Variants in ZFHX2 observed in about 807,000 individuals in gnomAD.
The protein encoded by ZFHX2 is zinc finger homeobox protein 2.
Under a neutral mutation model 164.8 loss-of-function variants are expected in ZFHX2, and 75 were observed. The ratio of observed to expected loss-of-function variants is 0.46; its 90% CI spans 0.38 to 0.55. The LOEUF is 0.55. Among genes scored for constraint, ZFHX2 ranks in the 20% least tolerant of loss-of-function variants. The probability of loss-of-function intolerance (pLI) is 0.00; values close to 1 mark genes in which losing one functional copy is unlikely to be tolerated. For synonymous variants in ZFHX2, 1,217 were observed against 1,351.4 expected (o/e 0.90, Z 2.18); for missense variants, 2,933 against 3,308.0 (o/e 0.89, Z 2.78).
intron 1 of ZFHX2, among the ~76,000 whole-genome samples, chr14:23,548,673 C>T (rs535872042): frequency 1.3e-5 from 2 of 152,268 alleles, no homozygotes; most frequent in South Asian, 2.1e-4. Context: ...AAAGGCCTTT[C>T]GTGGGGGTAG....
upstream of ZFHX2, among the ~76,000 whole-genome samples, chr14:23,555,218 C>T (rs759929196): frequency 8.5e-5 from 13 of 152,228 alleles, no homozygotes; most frequent in Non-Finnish European, 1.6e-4. Context: ...AGGCTGGTCT[C>T]GAACTCCTGA....
intron 1 of ZFHX2, among the ~76,000 whole-genome samples, chr14:23,541,501 G>A (rs1880815215): frequency 6.6e-6 from 1 of 151,854 alleles, no homozygotes; most frequent in South Asian, 2.1e-4. Context: ...TGGTCAGGCT[G>A]GTCTCAAACT....
At chr14:23,555,532 A>G (rs535826880), upstream of ZFHX2, among the ~76,000 whole-genome samples, 2 of 152,204 alleles carry the variant, frequency 1.3e-5, no homozygotes, top group South Asian at 4.1e-4. Flanking sequence ...TCATATCTTT[A>G]GTTCCTGGCC....
In ZFHX2 at chr14:23,522,910, G is replaced by A. The variant is rs575055988; in HGVS notation, c.6771C>T (p.Leu2257=). 2.1e-5 allele frequency: 31 copies of A among 1,460,060 alleles called. No homozygotes were observed. The highest frequency in any genetic ancestry group is 2.1e-4 in the African/African-American group (15 of 70,770). 90.4% of individuals were successfully genotyped at this position (1,460,060 alleles called of 1,614,324 possible). A position where few individuals can be genotyped will look rare whatever the true frequency, so the allele number is the denominator to read the frequency against. ...TGGTGGTAGGCAGGACCGAAGTGGC[G>A]AGGCCGAGGAGGCCTGAGGAGGCTG... The part of the protein sequence containing the change: ...GPAASSGLLG[L]ATSVLPTTTV... Residue 2257 remains leucine (L), a synonymous_variant, in exon 10 of 10, where the codon CTC becomes CTT. Coordinates refer to ENST00000419474, the MANE Select transcript of ZFHX2 (RefSeq NM_033400.3).
upstream of ZFHX2, among the ~76,000 whole-genome samples, chr14:23,554,179 G>A (rs1882175872): frequency 1.3e-5 from 2 of 152,046 alleles, no homozygotes; most frequent in African/African-American, 4.8e-5. Context: ...CAAATAAGCT[G>A]CTGCTTTTGC....
intron 1 of ZFHX2, among the ~76,000 whole-genome samples, chr14:23,537,369 A>C (rs1320766584): frequency 6.6e-6 from 1 of 152,042 alleles, no homozygotes; most frequent in Non-Finnish European, 1.5e-5. Flanking sequence ...CTAGTGATTA[A>C]ACTGGTAGTG....
In ZFHX2 at chr14:23,533,152, G is replaced by T; in HGVS notation, c.2042-68C>A. On this transcript the variant is annotated intron_variant, in intron 2 of 9. Coordinates refer to ENST00000419474, the MANE Select transcript of ZFHX2 (RefSeq NM_033400.3). The surrounding 1 kb of genome is among the most constrained non-coding windows in gnomAD (Gnocchi z 4.8). ...GCACGGTTGGTTCTCTATGTGGGGA[G>T]GTGGGTTAATGAGTAGGATAGTGCT... is the stretch of plus-strand genomic sequence containing the variant. 1 of 1,459,668 alleles carries T rather than the reference G, an allele frequency of 6.9e-7. No homozygotes were observed. 90.4% of individuals were successfully genotyped at this position (1,459,668 alleles called of 1,614,324 possible). A position where few individuals can be genotyped will look rare whatever the true frequency, so the allele number is the denominator to read the frequency against.
chr14:23,525,982 C>A lies in ZFHX2; in HGVS notation c.3960G>T (p.Leu1320Phe). The change falls in exon 9 of 10, where the codon TTG (leucine) becomes TTT (phenylalanine). Residue 1320 changes from leucine (L) to phenylalanine (F), a missense_variant. Physicochemically the swap from Leu to Phe is conservative, Grantham distance 22 (BLOSUM62 0). Coordinates refer to ENST00000419474, the MANE Select transcript of ZFHX2 (RefSeq NM_033400.3). The surrounding 1 kb of genome is among the most constrained non-coding windows in gnomAD (Gnocchi z 5.9). ...GAGGTGGGGGAGGGGACAGGAAAGG[C>A]AATCCAGATATGAAGCCACTGGTGT... is the stretch of plus-strand genomic sequence containing the variant. ...GPDTSGFISG[L>F]PFLSPPPPPL... The A allele has an allele frequency of 6.6e-7, 1 of 1,518,356 alleles. No individual in the cohort carries two copies. Among genetic ancestry groups the A allele is most frequent in the South Asian group, 1.2e-5 (1 of 80,174 alleles). The allele number at this position is 1,518,356 out of a possible 1,614,324, so 94.1% of individuals were successfully genotyped here. A position where few individuals can be genotyped will look rare whatever the true frequency, so the allele number is the denominator to read the frequency against.
chr14:23,554,321 C>T (rs959425384), upstream of ZFHX2, among the ~76,000 whole-genome samples: 1 of 152,164 alleles, frequency 6.6e-6, no homozygotes, highest in African/African-American at 2.4e-5. Flanking sequence ...ACCAACAGTG[C>T]TTAACATGGA....
At chr14:23,555,541 C>A (rs1364382953), upstream of ZFHX2, among the ~76,000 whole-genome samples, 2 of 152,144 alleles carry the variant, frequency 1.3e-5, no homozygotes, top group Non-Finnish European at 2.9e-5. Context: ...TAGTTCCTGG[C>A]CAAAATACCA....
chr14:23,529,442 C>G (rs1879240906), intron 6 of ZFHX2: 1 of 454,670 alleles, frequency 2.2e-6, no homozygotes, highest in Non-Finnish European at 4.0e-6. Context: ...CTCTTTCCTA[C>G]TCTCAGCACA....
chr14:23,551,869 C>G (rs1211253229), upstream of ZFHX2, among the ~76,000 whole-genome samples: 1 of 152,202 alleles, frequency 6.6e-6, no homozygotes, highest in African/African-American at 2.4e-5. The surrounding 1 kb of genome is among the most constrained non-coding windows in gnomAD (Gnocchi z 5.3). Context: ...CGCCCGCCTG[C>G]CTCGCGGGAC....
At position 23,525,036 on chromosome 14, in the gene ZFHX2, T is replaced by A. The variant is rs1157673485; in HGVS notation, c.4906A>T (p.Ser1636Cys). ...TGGAACCACACCACCACCACACGGC[T>A]AGCCAGACCCAACAGACTTGCGAGT... ...ERLASLLGLA[S>C]RVVVVWFQNA... Residue 1636 changes from serine to cysteine, a missense_variant, in exon 9 of 10, where the codon AGC becomes TGC. Physicochemically the swap from Ser to Cys is moderately radical, Grantham distance 112 (BLOSUM62 -1). Transcript: ENST00000419474. The surrounding 1 kb of genome is among the most constrained non-coding windows in gnomAD (Gnocchi z 5.9). 6.5e-7 allele frequency: 1 copy of A among 1,536,058 alleles called. No homozygotes were observed. Among genetic ancestry groups the A allele is most frequent in the African/African-American group, 1.4e-5 (1 of 73,050 alleles).
chr14:23,527,042 C>T lies in ZFHX2; in HGVS notation c.3136-69G>A, dbSNP rs1009345413. The T allele has an allele frequency of 6.9e-6, 10 of 1,440,512 alleles. No individual in the cohort carries two copies. In the African/African-American group the frequency reaches 1.3e-4, roughly 19 times the overall value. 89.2% of individuals were successfully genotyped at this position (1,440,512 alleles called of 1,614,324 possible). The stretch of plus-strand genomic sequence containing the variant: ...TGCCCCTATGCCACTCCTGACCCAT[C>T]TGCCCTACACCTGTACTTGTGCCGA... On this transcript the variant is annotated intron_variant, in intron 7 of 9. Transcript: ENST00000419474.
Position 23,522,518 on chromosome 14 carries a change from A to G in ZFHX2, c.7163T>C (p.Ile2388Thr), listed in dbSNP as rs1595130469. The G allele has an allele frequency of 2.0e-6, 3 of 1,530,254 alleles. No individual in the cohort carries two copies. The highest frequency in any genetic ancestry group is 1.7e-6 in the Non-Finnish European group (2 of 1,142,934). 94.8% of individuals were successfully genotyped at this position (1,530,254 alleles called of 1,614,324 possible). The change falls in exon 10 of 10, where the codon ATA becomes ACA. Residue 2388 changes from isoleucine to threonine, a missense_variant. Ile to Thr is a moderately conservative substitution (Grantham distance 89). Transcript: ENST00000419474. The part of the protein sequence containing the change: ...KKGLFPMNPM[I>T]PQTLIGLLPN... ...GAGCAGCCCAATGAGGGTCTGAGGT[A>G]TCATGGGGTTCATGGGAAATAGCCC...
chr14:23,532,933 G>A lies in ZFHX2; in HGVS notation c.2193C>T (p.Ser731=). ...CLVCQAFSTD[S]LELLLYHCSI... ...TGCAGTGGTAGAGCAGCAGCTCCAG[G>A]CTGTCTGTGCTGAAGGCCTGGCACA... The change falls in exon 3 of 10, where the codon AGC becomes AGT. Residue 731 remains serine (S), a synonymous_variant. Transcript: ENST00000419474. 1 of 1,536,192 alleles carries A rather than the reference G, an allele frequency of 6.5e-7. No individual in the cohort carries two copies. Among genetic ancestry groups the A allele is most frequent in the Non-Finnish European group, 8.7e-7 (1 of 1,146,916 alleles).
Position 23,532,530 on chromosome 14 carries a change from TCTC to T in ZFHX2, c.2559+34_2559+36del, listed in dbSNP as rs1418130704. The T allele has an allele frequency of 4.9e-6, 7 of 1,428,716 alleles. No homozygotes were observed. In the African/African-American group the frequency reaches 7.2e-5, roughly 15 times the overall value. The allele number at this position is 1,428,716 out of a possible 1,614,324, so 88.5% of individuals were successfully genotyped here. A position where few individuals can be genotyped will look rare whatever the true frequency, so the allele number is the denominator to read the frequency against. On this transcript the variant is annotated intron_variant, in intron 3 of 9. Transcript: ENST00000419474. ...TCTCCTCCCTCTGTCCCCATTCCCT[TCTC>T]CTCTTCCGATGGCCCTTCCTGACCC...
rs1878361572 is a variant in ZFHX2 at position 23,523,833 on chromosome 14, T to C, written c.6109A>G (p.Ser2037Gly). Reference sequence around the variant, plus strand: ...CCAGGGGATTCTGGTTCAGCTAGGCTGGAAGCAGATGAATCACTCAGATCT... The same window carrying C: ...CCAGGGGATTCTGGTTCAGCTAGGCCGGAAGCAGATGAATCACTCAGATCT... The part of the protein sequence containing the change: ...AGDLSDSSAS[S>G]LAEPESPGAG... The change falls in exon 9 of 10, where the codon AGC becomes GGC. Residue 2037 changes from serine (S) to glycine (G), a missense_variant. By Grantham distance (56) the Ser-to-Gly change is moderately conservative. Transcript: ENST00000419474. This position sits in a 1 kb window ranked among gnomAD's most constrained non-coding sequence, Gnocchi z 4.1. The C allele has an allele frequency of 6.5e-7, 1 of 1,536,062 alleles. No individual in the cohort carries two copies. The highest frequency in any genetic ancestry group is 1.4e-5 in the African/African-American group (1 of 73,032).
chr14:23,534,371 C>T lies in ZFHX2; in HGVS notation c.955G>A (p.Ala319Thr). The T allele has an allele frequency of 3.9e-6, 6 of 1,536,768 alleles. No homozygotes were observed. The highest frequency in any genetic ancestry group is 5.2e-6 in the Non-Finnish European group (6 of 1,147,016). The change falls in exon 2 of 10, where the codon GCC becomes ACC. Residue 319 changes from alanine (A) to threonine (T), a missense_variant. Physicochemically the swap from Ala to Thr is moderately conservative, Grantham distance 58. Coordinates refer to ENST00000419474, the MANE Select transcript of ZFHX2 (RefSeq NM_033400.3). The surrounding 1 kb of genome is among the most constrained non-coding windows in gnomAD (Gnocchi z 4.5). The stretch of plus-strand genomic sequence containing the variant: ...TCAGGGGGGCCATCCTCTGTCTGGG[C>T]CACATTCGCCTCCATGTTCACTGTG... Reference protein sequence around the residue: ...SSTVNMEANVAQTEDGPPEAE... With the variant: ...SSTVNMEANVTQTEDGPPEAE...
Sources: allele counts gnomAD v4.1 joint callset (sites outside exome capture counted in the v4.1 genomes callset), GRCh38; gene constraint gnomAD v4.1.1; non-coding constraint Gnocchi (gnomAD v3.1); transcripts MANE v1.5; gene names NCBI Gene and HGNC (gene_info 2026-07-23, HGNC 2026-07-21).